The following COG4 variants were observed in gnomAD, a reference collection of about 807,000 sequenced individuals.
The protein encoded by COG4 is conserved oligomeric Golgi complex subunit 4.
A neutral mutation model predicts 95.1 loss-of-function variants in COG4; 65 were observed. That is an observed-to-expected ratio of 0.68 (90% CI 0.56 to 0.84). The LOEUF (loss-of-function observed/expected upper bound fraction) is 0.84. Among genes scored for constraint, COG4 ranks in the 40% least tolerant of loss-of-function variants. COG4 has a pLI of 0.00. For missense variants in COG4, 1,045 were observed against 989.1 expected (o/e 1.06, Z -0.76); for synonymous variants, 421 against 374.8 (o/e 1.12, Z -1.42).
chr16:70,487,755 C>G (rs2049168303), intron 13 of COG4, among the ~76,000 whole-genome samples: 1 of 152,172 alleles, frequency 6.6e-6, no homozygotes, highest in African/African-American at 2.4e-5. Flanking sequence ...TCCAATAGTT[C>G]ACAAAGTGAT....
At chr16:70,519,626 C>T (rs761069119) in intron 2 of COG4, 23 bp downstream of exon 2, 1 of 1,579,088 alleles carries the variant, frequency 6.3e-7, no homozygotes, top group South Asian at 1.1e-5. Flanking sequence ...TACATTAGCT[C>T]TTGCTGAGAT....
intron 13 of COG4, among the ~76,000 whole-genome samples, chr16:70,485,450 C>A (rs528248583): frequency 6.6e-6 from 1 of 151,484 alleles, no homozygotes; most frequent in Admixed American, 6.6e-5. Flanking sequence ...GTGATCCACC[C>A]GCCTCAGCCT....
chr16:70,510,866 C>T (rs111796746), intron 5 of COG4, among the ~76,000 whole-genome samples: 1 of 151,354 alleles, frequency 6.6e-6, no homozygotes, highest in East Asian at 2.0e-4. Flanking sequence ...CCGGCTCAAG[C>T]GATTCTCCTG....
intron 2 of COG4, 33 bp from the exon 3 acceptor site, chr16:70,517,773 G>C (rs558093577): frequency 7.0e-6 from 10 of 1,437,850 alleles, no homozygotes; most frequent in Admixed American, 5.0e-5. Context: ...TACACATAAC[G>C]ATAGGGCAGA....
At chr16:70,505,626 G>A (rs538551069) in intron 8 of COG4, among the ~76,000 whole-genome samples, 11 of 149,296 alleles carry the variant, frequency 7.4e-5, no homozygotes, top group African/African-American at 2.2e-4. Context: ...TCAGGAGATC[G>A]AGACCATCCT....
In COG4 at chr16:70,519,947, A is replaced by C. The variant is rs537088985; in HGVS notation, c.172-216T>G. ...ATTCCACCTGGCAGATGAGCACCATAATAGGAAGAAATAAACTTTTAATCA... is the reference window on the plus strand; with the variant it reads ...ATTCCACCTGGCAGATGAGCACCATCATAGGAAGAAATAAACTTTTAATCA... On this transcript the variant is annotated intron_variant, in intron 1 of 18. Transcript: ENST00000323786. 2.0e-5 allele frequency among the ~76,000 whole-genome samples: 3 copies of C among 152,276 alleles called. No homozygotes were observed. In the South Asian group the frequency reaches 6.2e-4, roughly 32 times the overall value.
Position 70,514,321 on chromosome 16 carries a change from T to A in COG4, c.544+14A>T. On this transcript the variant is annotated intron_variant, in intron 4 of 18. Transcript: ENST00000323786. The stretch of plus-strand genomic sequence containing the variant: ...TTTTAACTAAACTAAAAACCAACAG[T>A]TTCGGATGCTGACCCTCTTTGCCCT... 1.2e-6 allele frequency: 2 copies of A among 1,613,920 alleles called. No homozygotes were observed. The highest frequency in any genetic ancestry group is 1.7e-6 in the Non-Finnish European group (2 of 1,179,852).
At chr16:70,509,022 G>C in intron 7 of COG4, 1 of 634,846 alleles carries the variant, frequency 1.6e-6, no homozygotes, top group South Asian at 1.8e-5. Flanking sequence ...TTTCCGTTTT[G>C]GTCTTGAACT....
In COG4 at chr16:70,481,943, T is replaced by C. The variant is rs912763825; in HGVS notation, c.2005-78A>G. On this transcript the variant is annotated intron_variant, in intron 16 of 18. Coordinates refer to ENST00000323786, the MANE Select transcript of COG4 (RefSeq NM_015386.3). ...ATGCTGGAGTCTTAGGTGGTGAGGATAGTAGCGTGAGGCCACGGGGGAGTT... is the reference window on the plus strand; with the variant it reads ...ATGCTGGAGTCTTAGGTGGTGAGGACAGTAGCGTGAGGCCACGGGGGAGTT... 2.8e-5 allele frequency: 40 copies of C among 1,437,050 alleles called. No individual in the cohort carries two copies. In the African/African-American group the frequency reaches 4.3e-4, roughly 16 times the overall value. 89.0% of individuals were successfully genotyped at this position (1,437,050 alleles called of 1,614,324 possible). A position where few individuals can be genotyped will look rare whatever the true frequency, so the allele number is the denominator to read the frequency against.
intron 13 of COG4, among the ~76,000 whole-genome samples, chr16:70,488,583 T>G (rs2049182881): frequency 6.6e-6 from 1 of 151,968 alleles, no homozygotes; most frequent in Admixed American, 6.6e-5. Flanking sequence ...GTTTCGCTCT[T>G]GTTGCCCAGG....
At chr16:70,503,961 C>G (rs2049507086) in intron 8 of COG4, among the ~76,000 whole-genome samples, 2 of 152,162 alleles carry the variant, frequency 1.3e-5, no homozygotes, top group South Asian at 4.1e-4. Flanking sequence ...TTCAACTTTC[C>G]CATACTAGGC....
chr16:70,498,045 C>A lies in COG4; in HGVS notation c.1206G>T (p.Lys402Asn). The A allele has an allele frequency of 6.2e-7, 1 of 1,608,214 alleles. No individual in the cohort carries two copies. The part of the protein sequence containing the change: ...ASEEVKQEHQ[K>N]CLDKLLNNCL... ...AGTTATTGAGGAGTTTGTCCAGACA[C>A]TTCTGGTGCTCTAGGGGACAGCCAA... The change falls in exon 10 of 19, where the codon AAG (lysine) becomes AAT (asparagine). Residue 402 changes from lysine to asparagine, a missense_variant. Coordinates refer to ENST00000323786, the MANE Select transcript of COG4 (RefSeq NM_015386.3).
intron 3 of COG4, chr16:70,516,188 A>AT: frequency 2.7e-6 from 1 of 376,626 alleles, no homozygotes; most frequent in Non-Finnish European, 5.2e-6. Context: ...CTTTTAATTG[A>AT]TTTTCAGATG....
chr16:70,509,986 C>G lies in COG4; in HGVS notation c.774G>C (p.Val258=). The G allele has an allele frequency of 6.2e-7, 1 of 1,614,050 alleles. No homozygotes were observed. The highest frequency in any genetic ancestry group is 8.5e-7 in the Non-Finnish European group (1 of 1,179,962). ...ASKAEENLLM[V]LGTDMSDRRA... Reference sequence around the variant, plus strand: ...TCCGATCACTCATGTCTGTCCCCAGCACCATGAGCAGATTCTCCTCAGCTT... The same window carrying G: ...TCCGATCACTCATGTCTGTCCCCAGGACCATGAGCAGATTCTCCTCAGCTT... The change falls in exon 6 of 19, where the codon GTG becomes GTC. Residue 258 remains valine (V), a synonymous_variant. Coordinates refer to ENST00000323786, the MANE Select transcript of COG4 (RefSeq NM_015386.3).
At chr16:70,492,533 T>A (rs898972022) in intron 12 of COG4, among the ~76,000 whole-genome samples, 6 of 151,660 alleles carry the variant, frequency 4.0e-5, no homozygotes, top group African/African-American at 1.5e-4. Flanking sequence ...TGGTGGTGCA[T>A]GCCTGTAATC....
chr16:70,502,090 C>T (rs1356236118), intron 8 of COG4, among the ~76,000 whole-genome samples: 3 of 150,398 alleles, frequency 2.0e-5, no homozygotes, highest in African/African-American at 4.9e-5. Context: ...GAGACCATCC[C>T]GGCCAACATG....
chr16:70,494,482 T>C (rs948714292), intron 12 of COG4, among the ~76,000 whole-genome samples: 4 of 152,202 alleles, frequency 2.6e-5, no homozygotes, highest in African/African-American at 7.2e-5. Context: ...CAGAAACCTG[T>C]CACCAAGCAT....
chr16:70,519,773 G>A (rs751102294), intron 1 of COG4, 42 bp from the exon 2 acceptor site: 76 of 1,442,072 alleles, frequency 5.3e-5, no homozygotes, highest in Non-Finnish European at 7.2e-5. Context: ...ATGATCAGAA[G>A]GAACCTTAAG....
chr16:70,517,806 G>T, intron 2 of COG4, 66 bp from the exon 3 acceptor site: 3 of 973,030 alleles, frequency 3.1e-6, no homozygotes, highest in African/African-American at 1.6e-5. Context: ...ACTTTTTTTT[G>T]CATATGGACA....
Sources: gnomAD v4.1 joint callset for allele counts (sites outside exome capture counted in the v4.1 genomes callset) on GRCh38, gnomAD v4.1.1 for gene constraint, MANE v1.5 for transcripts, NCBI Gene and HGNC (gene_info 2026-07-23, HGNC 2026-07-21) for gene names.